The following PRKCQ variants were observed in gnomAD, a reference collection of about 807,000 sequenced individuals.
PRKCQ encodes the protein protein kinase C theta.
Under a neutral mutation model 91.2 loss-of-function variants are expected in PRKCQ, and 41 were observed. The observed-to-expected ratio is 0.45, with a 90% confidence interval of 0.35 to 0.58. The LOEUF (loss-of-function observed/expected upper bound fraction) is 0.58, where lower values mean the gene tolerates loss of function less well. Among genes scored for constraint, PRKCQ ranks in the 20% least tolerant of loss-of-function variants. PRKCQ has a pLI of 0.00. For missense variants in PRKCQ, 673 were observed against 896.5 expected, an observed-to-expected ratio of 0.75 and a Z score of 3.18; for synonymous variants, 307 against 316.9, an observed-to-expected ratio of 0.97 and a Z score of 0.33.
the PRKCQ span, among the ~76,000 whole-genome samples, chr10:6,409,607 T>A: frequency 6.6e-6 from 1 of 152,258 alleles, no homozygotes. Context: ...TTTTTCATTT[T>A]ACATACACTT....
intron 17 of PRKCQ, among the ~76,000 whole-genome samples, chr10:6,428,831 T>G (rs2064366110): frequency 6.6e-6 from 1 of 152,204 alleles, no homozygotes; most frequent in South Asian, 2.1e-4. Context: ...ATCAACGTTC[T>G]TGGCTGTTGT....
chr10:6,503,682 C>T (rs1459483922), intron 4 of PRKCQ, among the ~76,000 whole-genome samples: 1 of 105,016 alleles, frequency 9.5e-6, no homozygotes, highest in African/African-American at 2.5e-5. Context: ...ATATCTCCCA[C>T]TTCTGTGACT....
In PRKCQ at chr10:6,427,439, T is replaced by G. The variant is rs923312754; in HGVS notation, c.*768A>C. 8.5e-5 allele frequency: 13 copies of G among 152,276 alleles called. No individual in the cohort carries two copies. Among genetic ancestry groups the G allele is most frequent in the African/African-American group, 2.9e-4 (12 of 41,456 alleles). The allele number at this position is 152,276 out of a possible 1,614,324, so 9.4% of individuals were successfully genotyped here. A position where few individuals can be genotyped will look rare whatever the true frequency, so the allele number is the denominator to read the frequency against. On this transcript the variant is annotated 3_prime_UTR_variant, in exon 18 of 18. Transcript: ENST00000263125. The stretch of plus-strand genomic sequence containing the variant: ...TCTTGTTATAGTGTGAGAATGGCAG[T>G]GAGTGACTGTGCCAATACTGGAGTC...
chr10:6,572,035 C>G (rs924182784), intron 1 of PRKCQ, among the ~76,000 whole-genome samples: 6 of 152,160 alleles, frequency 3.9e-5, no homozygotes, highest in African/African-American at 1.4e-4. Context: ...GCTGGCTTCT[C>G]TGTAAGCTGT....
At chr10:6,476,459 A>G (rs992937736) in intron 12 of PRKCQ, among the ~76,000 whole-genome samples, 1 of 152,236 alleles carries the variant, frequency 6.6e-6, no homozygotes, top group African/African-American at 2.4e-5. Context: ...CCTCCCAATT[A>G]ACAACTGTTA....
chr10:6,397,931 A>AAAG, the PRKCQ span, among the ~76,000 whole-genome samples: 311 of 152,330 alleles, frequency 2.0e-3, 2 homozygotes, highest in African/African-American at 7.3e-3. Context: ...GTCTAAAAAA[A>AAAG]AAAGAAAGAA....
intron 1 of PRKCQ, among the ~76,000 whole-genome samples, chr10:6,541,228 A>G (rs959483714): frequency 6.6e-6 from 1 of 152,198 alleles, no homozygotes; most frequent in African/African-American, 2.4e-5. Context: ...CTGGCCCTGG[A>G]CCAGTTAAGC....
At chr10:6,517,116 C>T (rs921458260) in intron 1 of PRKCQ, among the ~76,000 whole-genome samples, 1 of 152,054 alleles carries the variant, frequency 6.6e-6, no homozygotes, top group East Asian at 1.9e-4. Flanking sequence ...TCAATAGAAC[C>T]GCAAGCTCAG....
At position 6,430,698 on chromosome 10, in the gene PRKCQ, T is replaced by G; in HGVS notation, c.1965+112A>C. 7.0e-7 allele frequency: 1 copy of G among 1,427,978 alleles called. No individual in the cohort carries two copies. The highest frequency in any genetic ancestry group is 9.6e-7 in the Non-Finnish European group (1 of 1,046,710). The allele number at this position is 1,427,978 out of a possible 1,614,324, so 88.5% of individuals were successfully genotyped here. On this transcript the variant is annotated intron_variant, in intron 17 of 17. Transcript: ENST00000263125. This position sits in a 1 kb window ranked among gnomAD's most constrained non-coding sequence, Gnocchi z 4.7. ...CATTCCTCCTGGAGAGTGGGGCTGG[T>G]GGGGAGTTGGGGCACCGGCAGGGGT...
chr10:6,555,438 A>T (rs995008354), intron 1 of PRKCQ, among the ~76,000 whole-genome samples: 1 of 152,210 alleles, frequency 6.6e-6, no homozygotes, highest in Admixed American at 6.5e-5. Flanking sequence ...TATTTCAGAC[A>T]ACAGACATTC....
Position 6,556,521 on chromosome 10 carries a change from C to T in PRKCQ, c.-10+23690G>A, listed in dbSNP as rs547633178. Among the ~76,000 whole-genome samples, 19 of 150,934 alleles carry T rather than the reference C, an allele frequency of 1.3e-4. No homozygotes were observed. The South Asian group carries it at 3.8e-3, about 30-fold the overall frequency. On this transcript the variant is annotated intron_variant, in intron 1 of 17. Coordinates refer to ENST00000263125, the MANE Select transcript of PRKCQ (RefSeq NM_006257.5). ...AGAGACAAAGAGTAGAAGGGGGTGGCCTGGGACTGAAAGGAGAGGGAAATG... is the reference window on the plus strand; with the variant it reads ...AGAGACAAAGAGTAGAAGGGGGTGGTCTGGGACTGAAAGGAGAGGGAAATG...
At chr10:6,433,758 C>A (rs187930144) in intron 16 of PRKCQ, among the ~76,000 whole-genome samples, 1 of 152,020 alleles carries the variant, frequency 6.6e-6, no homozygotes, top group Non-Finnish European at 1.5e-5. Flanking sequence ...GGGCTGGGCA[C>A]GGTGGCTCAT....
chr10:6,503,398 C>T (rs1838025125), intron 4 of PRKCQ, among the ~76,000 whole-genome samples: 1 of 151,806 alleles, frequency 6.6e-6, no homozygotes, highest in South Asian at 2.1e-4. Context: ...GGCAGGGGGG[C>T]ATGAGATGAC....
chr10:6,493,045 TG>T (rs2130807157), intron 7 of PRKCQ, among the ~76,000 whole-genome samples: 1 of 152,322 alleles, frequency 6.6e-6, no homozygotes, highest in Non-Finnish European at 1.5e-5. Flanking sequence ...AGTTTAAATA[TG>T]GACAATTAAT....
At chr10:6,488,055 T>G (rs1047885213) in intron 8 of PRKCQ, among the ~76,000 whole-genome samples, 2 of 145,812 alleles carry the variant, frequency 1.4e-5, no homozygotes, top group African/African-American at 5.1e-5. Context: ...AAAAATCAGA[T>G]ATAAAGATTT....
intron 1 of PRKCQ, among the ~76,000 whole-genome samples, chr10:6,532,020 A>T (rs993927818): frequency 6.6e-6 from 1 of 152,226 alleles, no homozygotes; most frequent in Admixed American, 6.5e-5. Context: ...TGACTCTTCC[A>T]GGCATCACTC....
chr10:6,425,612 C>T (rs1413562057), downstream of PRKCQ, among the ~76,000 whole-genome samples: 1 of 152,082 alleles, frequency 6.6e-6, no homozygotes, highest in African/African-American at 2.4e-5. Flanking sequence ...TTCGCACACT[C>T]AGAAATACGA....
chr10:6,464,444 CATT>C, intron 12 of PRKCQ, 40 bp from the exon 13 acceptor site: 1 of 1,494,610 alleles, frequency 6.7e-7, no homozygotes, highest in Non-Finnish European at 9.3e-7. Context: ...TATTTCATTT[CATT>C]TTTATTTATT....
chr10:6,468,639 G>T (rs1297040389), intron 12 of PRKCQ, among the ~76,000 whole-genome samples: 1 of 152,084 alleles, frequency 6.6e-6, no homozygotes, highest in Non-Finnish European at 1.5e-5. Flanking sequence ...CATTTTTTTC[G>T]AGGTATCTTT....
Sources: allele counts gnomAD v4.1 joint callset (sites outside exome capture counted in the v4.1 genomes callset), GRCh38; gene constraint gnomAD v4.1.1; non-coding constraint Gnocchi (gnomAD v3.1); transcripts MANE v1.5; gene names NCBI Gene and HGNC (gene_info 2026-07-23, HGNC 2026-07-21).